Variants in OR51B5 observed in about 807,000 individuals in gnomAD.
The protein encoded by OR51B5 is olfactory receptor 51B5.
For missense variants in OR51B5, 456 were observed against 374.6 expected (o/e 1.22, Z -1.79); for synonymous variants, 186 against 144.8 (o/e 1.28, Z -2.04).
At chr11:5,466,323 G>T (rs886097297) in intron 1 of OR51B5, among the ~76,000 whole-genome samples, 1 of 152,078 alleles carries the variant, frequency 6.6e-6, no homozygotes, top group Admixed American at 6.6e-5. Flanking sequence ...TATATGTGAT[G>T]ATATAAATGA....
chr11:5,493,479 G>A (rs753531219), intron 1 of OR51B5, among the ~76,000 whole-genome samples: 5 of 152,166 alleles, frequency 3.3e-5, no homozygotes, highest in Non-Finnish European at 2.9e-5. Flanking sequence ...TCTCAACTCC[G>A]AGAATCAGAG....
intron 1 of OR51B5, among the ~76,000 whole-genome samples, chr11:5,473,493 G>T (rs972047972): frequency 1.3e-5 from 2 of 152,154 alleles, no homozygotes; most frequent in African/African-American, 2.4e-5. Flanking sequence ...TCCTGATGCA[G>T]ACCCAAATTA....
At chr11:5,343,721 C>T, upstream of OR51B5, 2 of 465,484 alleles carry the variant, frequency 4.3e-6, no homozygotes, top group Non-Finnish European at 3.7e-6. Context: ...ACTGCACATT[C>T]CAGGATCTAT....
chr11:5,361,473 G>A (rs12801179), intron 1 of OR51B5, among the ~76,000 whole-genome samples: 57,900 of 151,996 alleles, frequency 0.38, 11,278 homozygotes, highest in Non-Finnish European at 0.41. Flanking sequence ...AGTCACATCT[G>A]TGGCAACAAT....
At chr11:5,426,745 C>T (rs1241488880) in intron 1 of OR51B5, among the ~76,000 whole-genome samples, 1 of 152,134 alleles carries the variant, frequency 6.6e-6, no homozygotes, top group Non-Finnish European at 1.5e-5. Flanking sequence ...CTCTCTGTCT[C>T]CCTGTTTTTC....
chr11:5,472,944 A>T (rs1377401410), intron 1 of OR51B5, among the ~76,000 whole-genome samples: 1 of 152,174 alleles, frequency 6.6e-6, no homozygotes. Context: ...ACTGGTTTTA[A>T]CACTGAAAGT....
chr11:5,392,197 T>C (rs949682458), intron 1 of OR51B5: 1 of 152,290 alleles, frequency 6.6e-6, no homozygotes, highest in Non-Finnish European at 1.5e-5. Context: ...GTGGGTGTTA[T>C]CAGACTCTCA....
chr11:5,370,360 T>G (rs1176863103), intron 1 of OR51B5, among the ~76,000 whole-genome samples: 1 of 152,206 alleles, frequency 6.6e-6, no homozygotes, highest in Non-Finnish European at 1.5e-5. Context: ...ATGTATATCA[T>G]CTGCAAAGAC....
chr11:5,351,289 C>T (rs967384197), intron 1 of OR51B5, among the ~76,000 whole-genome samples: 6 of 152,186 alleles, frequency 3.9e-5, no homozygotes, highest in Admixed American at 3.9e-4. Flanking sequence ...ATCCAATAAT[C>T]TTACATAGAG....
At chr11:5,472,435 G>A (rs1851242666) in intron 1 of OR51B5, among the ~76,000 whole-genome samples, 1 of 152,052 alleles carries the variant, frequency 6.6e-6, no homozygotes, top group Admixed American at 6.5e-5. Flanking sequence ...AGTGTCCACT[G>A]AAGGGAGAAA....
intron 1 of OR51B5, among the ~76,000 whole-genome samples, chr11:5,397,478 A>C (rs547633334): frequency 1.7e-3 from 262 of 151,898 alleles, no homozygotes; most frequent in African/African-American, 6.2e-3. Context: ...CATCAGAGAA[A>C]TGCAAATCAA....
intron 1 of OR51B5, among the ~76,000 whole-genome samples, chr11:5,469,859 G>A (rs777568763): frequency 1.2e-4 from 19 of 152,180 alleles, no homozygotes; most frequent in Admixed American, 5.9e-4. Context: ...GATTGATTCT[G>A]TCTTGTGCAA....
chr11:5,468,161 G>A (rs1057122901), intron 1 of OR51B5, among the ~76,000 whole-genome samples: 1 of 152,200 alleles, frequency 6.6e-6, no homozygotes, highest in Non-Finnish European at 1.5e-5. Flanking sequence ...GTATGCATTA[G>A]TTTTTGTCTG....
At chr11:5,410,213 G>T (rs111314218) in intron 1 of OR51B5, among the ~76,000 whole-genome samples, 4,190 of 152,118 alleles carry the variant, frequency 0.028, 171 homozygotes, top group African/African-American at 0.093. Flanking sequence ...TAAATATGTA[G>T]AAGAAAGCAA....
chr11:5,406,442 G>A (rs1850059380), intron 1 of OR51B5, among the ~76,000 whole-genome samples: 2 of 152,236 alleles, frequency 1.3e-5, no homozygotes, highest in South Asian at 4.1e-4. Context: ...ATCTCTTGGT[G>A]TCTATGAAAT....
rs182740814 is a variant in OR51B5, at chr11:5,473,918, G to T, written n.84+31651C>A. ...GAGAATGGGGAGAGAGTGTGCACGG[G>T]AAAGTACCTGTAGTTACTAGGAAAT... On this transcript the variant is annotated intron_variant and non_coding_transcript_variant, in intron 1 of 4. Transcript: ENST00000415970. 1.7e-3 allele frequency among the ~76,000 whole-genome samples: 263 copies of T among 151,890 alleles called. 1 individual carries two copies. Among genetic ancestry groups the T allele is most frequent in the South Asian group, 0.016 (76 of 4,806 alleles).
intron 1 of OR51B5, among the ~76,000 whole-genome samples, chr11:5,495,876 A>C (rs1315880091): frequency 1.3e-5 from 2 of 152,240 alleles, no homozygotes; most frequent in African/African-American, 4.8e-5. Flanking sequence ...GCTGAAAGTG[A>C]AGAGATAGAA....
chr11:5,463,730 G>T (rs1310308087), intron 1 of OR51B5, among the ~76,000 whole-genome samples: 2 of 152,156 alleles, frequency 1.3e-5, no homozygotes, highest in Admixed American at 1.3e-4. Flanking sequence ...CAATCCCAGT[G>T]TTACATTTGA....
intron 1 of OR51B5, among the ~76,000 whole-genome samples, chr11:5,473,188 C>A (rs1851254252): frequency 6.6e-6 from 1 of 152,134 alleles, no homozygotes; most frequent in Admixed American, 6.5e-5. Context: ...CAAGAACTAT[C>A]ATAAAGACTT....
Sources: gnomAD v4.1 joint callset for allele counts (sites outside exome capture counted in the v4.1 genomes callset) on GRCh38, gnomAD v4.1.1 for gene constraint, MANE v1.5 for transcripts, NCBI Gene and HGNC (gene_info 2026-07-23, HGNC 2026-07-21) for gene names.